Variants in TNPO3 observed in about 807,000 individuals in gnomAD.
TNPO3 encodes the protein transportin-3.
In TNPO3, 65 loss-of-function variants were observed where a neutral mutation model predicts 122.8. That is an observed-to-expected ratio of 0.53 (90% CI 0.43 to 0.65). The LOEUF is 0.65. TNPO3 is among the 30% of genes least tolerant of loss of function. The probability of loss-of-function intolerance (pLI) is 0.00; values close to 1 mark genes in which losing one functional copy is unlikely to be tolerated. For missense variants in TNPO3, 850 were observed against 1,136.7 expected, an observed-to-expected ratio of 0.75 and a Z score of 3.63; for synonymous variants, 372 against 411.2, an observed-to-expected ratio of 0.90 and a Z score of 1.15.
intron 1 of TNPO3, among the ~76,000 whole-genome samples, chr7:129,027,761 G>A (rs1396427248): frequency 6.6e-6 from 1 of 152,048 alleles, no homozygotes; most frequent in African/African-American, 2.4e-5. Flanking sequence ...GAAAGTGGAA[G>A]ACAAGAGGCT....
chr7:129,052,240 A>G (rs551633232), intron 1 of TNPO3, among the ~76,000 whole-genome samples: 19 of 152,290 alleles, frequency 1.2e-4, no homozygotes, highest in African/African-American at 3.9e-4. Context: ...CCCAGCAAGA[A>G]ATTAAGAGAA....
intron 21 of TNPO3, among the ~76,000 whole-genome samples, chr7:128,961,784 C>T (rs1336016535): frequency 6.6e-6 from 1 of 152,070 alleles, no homozygotes; most frequent in African/African-American, 2.4e-5. Context: ...TGGTAGGTAA[C>T]AGAAAATAAT....
At chr7:129,013,754 G>C (rs1803494435) in intron 4 of TNPO3, among the ~76,000 whole-genome samples, 1 of 152,190 alleles carries the variant, frequency 6.6e-6, no homozygotes, top group Non-Finnish European at 1.5e-5. Flanking sequence ...AAGAAACAAT[G>C]GTATAGGTGC....
chr7:129,006,646 C>T (rs923866097), intron 4 of TNPO3, among the ~76,000 whole-genome samples: 1 of 152,116 alleles, frequency 6.6e-6, no homozygotes, highest in Non-Finnish European at 1.5e-5. Context: ...GGGGTGAAAT[C>T]CCATAATGTA....
At position 129,015,111 on chromosome 7, in the gene TNPO3, C is replaced by G. The variant is rs762247164; in HGVS notation, c.420G>C (p.Leu140Phe). The change falls in exon 4 of 23, where the codon TTG becomes TTC. Residue 140 changes from leucine to phenylalanine, a missense_variant. By Grantham distance (22) the Leu-to-Phe change is conservative (BLOSUM62 0). Transcript: ENST00000265388. ...CTGTAAGGATCTCCAGCAAAAAAGG[C>G]AAAGAAGTCACATCATTGCTGTATC... Reference protein sequence around the residue: ...VEKYSNDVTSLPFLLEILTVL... With the variant: ...VEKYSNDVTSFPFLLEILTVL... 24 of 1,610,152 alleles carry G rather than the reference C, an allele frequency of 1.5e-5. No individual in the cohort carries two copies. Among genetic ancestry groups the G allele is most frequent in the Non-Finnish European group, 2.0e-5 (24 of 1,179,226 alleles).
intron 7 of TNPO3, 59 bp downstream of exon 7, chr7:129,000,370 T>C: frequency 1.4e-6 from 2 of 1,449,096 alleles, no homozygotes; most frequent in Non-Finnish European, 9.2e-7. Context: ...TAATGAAATA[T>C]AGATAATATG....
At chr7:129,047,489 G>A (rs1808190326) in intron 1 of TNPO3, among the ~76,000 whole-genome samples, 1 of 152,144 alleles carries the variant, frequency 6.6e-6, no homozygotes, top group South Asian at 2.1e-4. Context: ...AACAACCATG[G>A]CTGTACATCT....
At chr7:129,010,961 C>A (rs1236620929) in intron 4 of TNPO3, among the ~76,000 whole-genome samples, 1 of 151,948 alleles carries the variant, frequency 6.6e-6, no homozygotes, top group Non-Finnish European at 1.5e-5. Flanking sequence ...TTAAGCCCTT[C>A]AGAAAATTAT....
chr7:128,964,631 G>A (rs930476236), intron 21 of TNPO3, among the ~76,000 whole-genome samples: 2 of 152,006 alleles, frequency 1.3e-5, no homozygotes, highest in African/African-American at 2.4e-5. Context: ...CACCGCGCCT[G>A]GCCACCAAAA....
chr7:128,986,986 A>G, intron 11 of TNPO3, 66 bp from the exon 12 acceptor site: 1 of 1,473,194 alleles, frequency 6.8e-7, no homozygotes, highest in Non-Finnish European at 9.1e-7. Context: ...GTTTATTAAA[A>G]CAGAGGTATA....
intron 21 of TNPO3, among the ~76,000 whole-genome samples, 175 bp downstream of exon 21, chr7:128,967,105 T>C (rs2128988180): frequency 6.6e-6 from 1 of 152,394 alleles, no homozygotes; most frequent in Admixed American, 6.5e-5. Context: ...TAAATATATG[T>C]ACATACATAC....
intron 21 of TNPO3, among the ~76,000 whole-genome samples, chr7:128,966,784 A>G (rs889752776): frequency 6.6e-6 from 1 of 152,224 alleles, no homozygotes; most frequent in African/African-American, 2.4e-5. Context: ...CATGGGCCTA[A>G]TGTATCCCAG....
chr7:128,999,671 C>T (rs555782966), intron 7 of TNPO3, among the ~76,000 whole-genome samples: 42 of 151,412 alleles, frequency 2.8e-4, no homozygotes, highest in African/African-American at 9.2e-4. Context: ...AGTGCAGTGG[C>T]CCGATCTCAG....
intron 1 of TNPO3, among the ~76,000 whole-genome samples, chr7:129,050,706 T>G (rs1310268599): frequency 1.3e-5 from 2 of 152,202 alleles, no homozygotes; most frequent in South Asian, 2.1e-4. Flanking sequence ...TCCCCTGGCT[T>G]CATTCCCTGA....
chr7:129,031,539 T>C (rs1247284490), intron 1 of TNPO3, among the ~76,000 whole-genome samples: 2 of 152,020 alleles, frequency 1.3e-5, no homozygotes. Context: ...TGCCAAGAGA[T>C]TAAATCAGTA....
intron 18 of TNPO3, among the ~76,000 whole-genome samples, chr7:128,973,501 C>T (rs1224343457): frequency 2.0e-5 from 3 of 151,652 alleles, no homozygotes; most frequent in African/African-American, 7.3e-5. Flanking sequence ...CTTTGGGAGG[C>T]CGAGGAGGGT....
rs1796762474 is a variant in TNPO3 at position 128,954,934 on chromosome 7, A to G, written c.*483T>C. ...TTTAATTCATGTGAATCCCCACATTATCCCTAAGTAAATATTTTGTTTCAC... is the reference window on the plus strand; with the variant it reads ...TTTAATTCATGTGAATCCCCACATTGTCCCTAAGTAAATATTTTGTTTCAC... On this transcript the variant is annotated 3_prime_UTR_variant, in exon 23 of 23. Transcript: ENST00000265388. 5.9e-6 allele frequency: 1 copy of G among 168,420 alleles called. No homozygotes were observed. Among genetic ancestry groups the G allele is most frequent in the Admixed American group, 5.8e-5 (1 of 17,144 alleles). The allele number at this position is 168,420 out of a possible 1,614,324, so 10.4% of individuals were successfully genotyped here. A position where few individuals can be genotyped will look rare whatever the true frequency, so the allele number is the denominator to read the frequency against.
intron 21 of TNPO3, among the ~76,000 whole-genome samples, chr7:128,963,109 A>G (rs896072814): frequency 2.0e-5 from 3 of 152,204 alleles, no homozygotes; most frequent in African/African-American, 7.2e-5. Context: ...AAAGGAGTTA[A>G]CATTCACTGA....
chr7:129,047,054 C>T (rs1197394102), intron 1 of TNPO3, among the ~76,000 whole-genome samples: 6 of 152,130 alleles, frequency 3.9e-5, no homozygotes, highest in Non-Finnish European at 7.3e-5. Flanking sequence ...ATGTGATAAA[C>T]CAAACATGAC....
Sources: allele counts gnomAD v4.1 joint callset (sites outside exome capture counted in the v4.1 genomes callset), GRCh38; gene constraint gnomAD v4.1.1; transcripts MANE v1.5; gene names NCBI Gene and HGNC (gene_info 2026-07-23, HGNC 2026-07-21).